The following MTCL1 variants were observed in gnomAD, a reference collection of about 807,000 sequenced individuals.
MTCL1 encodes the protein microtubule cross-linking factor 1.
Under a neutral mutation model 141.4 loss-of-function variants are expected in MTCL1, and 79 were observed. The ratio of observed to expected loss-of-function variants is 0.56; its 90% CI spans 0.47 to 0.67. The LOEUF is 0.67. Among genes scored for constraint, MTCL1 ranks in the 30% least tolerant of loss-of-function variants. The probability of loss-of-function intolerance (pLI) is 0.00; values close to 1 mark genes in which losing one functional copy is unlikely to be tolerated. For missense variants in MTCL1, 2,177 were observed against 2,113.9 expected, an observed-to-expected ratio of 1.03 and a Z score of -0.59; for synonymous variants, 914 against 875.8, an observed-to-expected ratio of 1.04 and a Z score of -0.77.
exon 15 of MTCL1, chr18:8,824,997 A>G (rs2076969740): frequency 1.2e-6 from 2 of 1,613,208 alleles, no homozygotes; most frequent in Admixed American, 1.7e-5. Flanking sequence ...AAGTGTCACC[A>G]TGACCACGGA....
At chr18:8,795,679 G>A (rs2075892064) in intron 8 of MTCL1, among the ~76,000 whole-genome samples, 1 of 152,250 alleles carries the variant, frequency 6.6e-6, no homozygotes, top group East Asian at 1.9e-4. Flanking sequence ...CTGTTTCCTG[G>A]CTGTTGTATG....
At chr18:8,712,718 C>T (rs748855127), upstream of MTCL1, among the ~76,000 whole-genome samples, 24 of 152,252 alleles carry the variant, frequency 1.6e-4, no homozygotes, top group Non-Finnish European at 3.2e-4. Flanking sequence ...CAGTGGGAGT[C>T]GCCCTGCACC....
exon 6 of MTCL1, chr18:8,784,819 G>A (rs777523423): frequency 5.6e-6 from 9 of 1,604,240 alleles, no homozygotes; most frequent in Non-Finnish European, 7.7e-6. Flanking sequence ...GGAACCTGGG[G>A]AAGGAGCTGG....
At chr18:8,776,123 A>G (rs935909226) in intron 4 of MTCL1, among the ~76,000 whole-genome samples, 4 of 152,208 alleles carry the variant, frequency 2.6e-5, no homozygotes, top group Non-Finnish European at 4.4e-5. Context: ...CGAGAGAGTC[A>G]GGGCTCTGAG....
chr18:8,735,130 A>G (rs559088834), intron 4 of MTCL1, among the ~76,000 whole-genome samples: 1 of 152,334 alleles, frequency 6.6e-6, no homozygotes, highest in East Asian at 1.9e-4. Flanking sequence ...TGAGTTTTAT[A>G]TTTCCAGGAC....
chr18:8,814,329 C>T (rs564898340), intron 12 of MTCL1, among the ~76,000 whole-genome samples: 18 of 152,184 alleles, frequency 1.2e-4, no homozygotes, highest in African/African-American at 4.1e-4. Flanking sequence ...GGCGACAGAC[C>T]GAGACCCCGT....
At chr18:8,726,514 C>T (rs149113753) in intron 4 of MTCL1, among the ~76,000 whole-genome samples, 3 of 130,178 alleles carry the variant, frequency 2.3e-5, no homozygotes, top group East Asian at 2.5e-4. Flanking sequence ...CGCGCAAGAG[C>T]GAGCGAGAGA....
At chr18:8,715,652 G>A (rs2096124140), upstream of MTCL1, among the ~76,000 whole-genome samples, 1 of 152,218 alleles carries the variant, frequency 6.6e-6, no homozygotes, top group South Asian at 2.1e-4. Context: ...TGATCCATTA[G>A]TTTCATGGAT....
At chr18:8,754,351 G>A (rs577066076) in intron 4 of MTCL1, among the ~76,000 whole-genome samples, 2 of 152,332 alleles carry the variant, frequency 1.3e-5, no homozygotes, top group East Asian at 1.9e-4. Context: ...GATTACAGGC[G>A]TGAGCCACCG....
chr18:8,809,911 G>C (rs1278087382), intron 11 of MTCL1: 1 of 275,328 alleles, frequency 3.6e-6, no homozygotes, highest in African/African-American at 2.2e-5. Flanking sequence ...GGAGGACGCT[G>C]CAGGACTGTG....
intron 4 of MTCL1, among the ~76,000 whole-genome samples, chr18:8,739,978 G>A (rs980013050): frequency 1.3e-5 from 2 of 152,298 alleles, no homozygotes; most frequent in African/African-American, 2.4e-5. Context: ...TGATCTGCCC[G>A]CCTTGGCCTC....
intron 1 of MTCL1, among the ~76,000 whole-genome samples, chr18:8,711,053 C>T (rs1344984720): frequency 2.0e-5 from 3 of 151,438 alleles, no homozygotes; most frequent in East Asian, 1.9e-4. Context: ...CCCTACTCCT[C>T]GACAGTCCCC....
At chr18:8,738,153 C>G (rs555693464) in intron 4 of MTCL1, among the ~76,000 whole-genome samples, 1 of 152,262 alleles carries the variant, frequency 6.6e-6, no homozygotes, top group South Asian at 2.1e-4. Flanking sequence ...TGGGCTTCCT[C>G]TCACCGCAAA....
At chr18:8,749,579 C>T (rs891467759) in intron 4 of MTCL1, among the ~76,000 whole-genome samples, 7 of 152,140 alleles carry the variant, frequency 4.6e-5, no homozygotes, top group East Asian at 1.9e-4. Context: ...AGGCTGTGGC[C>T]GTGGCCTAAG....
At chr18:8,760,755 G>A (rs2096428090) in intron 4 of MTCL1, among the ~76,000 whole-genome samples, 1 of 152,004 alleles carries the variant, frequency 6.6e-6, no homozygotes, top group Non-Finnish European at 1.5e-5. Context: ...ATAAGCTGTT[G>A]TAGAAGGCAC....
chr18:8,818,468 C>G (rs527471188), intron 12 of MTCL1, among the ~76,000 whole-genome samples: 1 of 152,274 alleles, frequency 6.6e-6, no homozygotes, highest in Admixed American at 6.5e-5. Context: ...AGTTTGCTCA[C>G]TTGAATTACT....
At chr18:8,824,548 G>GCACA (rs1362071342) in intron 14 of MTCL1, 151 bp from the exon 14 acceptor site, 1 of 651,128 alleles carries the variant, frequency 1.5e-6, no homozygotes, top group Non-Finnish European at 2.6e-6. Context: ...AAGTCTGTGA[G>GCACA]TGCAGCACAT....
At chr18:8,785,910 A>G (rs1193824482) in intron 6 of MTCL1, 26 bp from the exon 6 acceptor site, 2 of 1,545,904 alleles carry the variant, frequency 1.3e-6, no homozygotes, top group East Asian at 2.3e-5. Context: ...AACAACAACA[A>G]CAAATTCCTC....
upstream of MTCL1, chr18:8,705,588 C>T: frequency 1.0e-6 from 1 of 969,586 alleles, no homozygotes; most frequent in Non-Finnish European, 1.3e-6. The surrounding 1 kb of genome is among the most constrained non-coding windows in gnomAD (Gnocchi z 5.2). Context: ...AGGCTGCACG[C>T]CGCCGCCGCC....
Sources: gnomAD v4.1 joint callset for allele counts (sites outside exome capture counted in the v4.1 genomes callset) on GRCh38, gnomAD v4.1.1 for gene constraint, Gnocchi (gnomAD v3.1) non-coding constraint, MANE v1.5 for transcripts, NCBI Gene and HGNC (gene_info 2026-07-23, HGNC 2026-07-21) for gene names.